CNTN6: variants seen among roughly 807,000 people sequenced by gnomAD.
CNTN6 encodes the protein contactin-6.
A neutral mutation model predicts 122.8 loss-of-function variants in CNTN6; 137 were observed. The ratio of observed to expected loss-of-function variants is 1.12; its 90% CI spans 0.97 to 1.29. The LOEUF (loss-of-function observed/expected upper bound fraction) is 1.29, where lower values mean the gene tolerates loss of function less well. Among genes scored for constraint, CNTN6 ranks in the 50% most tolerant of loss-of-function variants. The pLI is 0.00. For synonymous variants in CNTN6, 570 were observed against 426.0 expected, an observed-to-expected ratio of 1.34 and a Z score of -4.16; for missense variants, 1,634 against 1,223.4, an observed-to-expected ratio of 1.34 and a Z score of -5.01.
intron 11 of CNTN6, among the ~76,000 whole-genome samples, chr3:1,341,836 A>G (rs959433296): frequency 6.6e-6 from 1 of 152,180 alleles, no homozygotes; most frequent in Non-Finnish European, 1.5e-5. Flanking sequence ...AGTTGTAAAT[A>G]CAATTACAGA....
intron 2 of CNTN6, among the ~76,000 whole-genome samples, chr3:1,149,704 TAAGAA>T (rs1395293628): frequency 6.6e-6 from 1 of 152,104 alleles, no homozygotes; most frequent in Non-Finnish European, 1.5e-5. Flanking sequence ...GGTAATAGAT[TAAGAA>T]AAGACAGAGA....
At chr3:1,367,461 G>A (rs1360442626) in intron 12 of CNTN6, among the ~76,000 whole-genome samples, 1 of 151,860 alleles carries the variant, frequency 6.6e-6, no homozygotes, top group Non-Finnish European at 1.5e-5. Context: ...AAGTCCCCAT[G>A]TTTGAAATAT....
At chr3:1,343,886 G>T (rs1363469738) in intron 11 of CNTN6, among the ~76,000 whole-genome samples, 1 of 152,114 alleles carries the variant, frequency 6.6e-6, no homozygotes, top group African/African-American at 2.4e-5. Flanking sequence ...TGACTTTAGA[G>T]TCCATGGTCT....
In CNTN6 at chr3:1,369,388, T is replaced by G. The variant is rs1324282405; in HGVS notation, c.1493-2911T>G. On this transcript the variant is annotated intron_variant, in intron 12 of 22. Transcript: ENST00000446702. The stretch of plus-strand genomic sequence containing the variant: ...CTTTTTGACTTGCTGCGGGTTTTTT[T>G]TTTTTTTTTTCCTCATTTTCTTCCC... Among the ~76,000 whole-genome samples, 3 of 151,792 alleles carry G rather than the reference T, an allele frequency of 2.0e-5. No individual in the cohort carries two copies. In the East Asian group the frequency reaches 5.8e-4, roughly 29 times the overall value.
chr3:1,138,385 G>T (rs1488666957), intron 1 of CNTN6, among the ~76,000 whole-genome samples: 1 of 151,660 alleles, frequency 6.6e-6, no homozygotes, highest in South Asian at 2.1e-4. Context: ...TTGAAGGAAA[G>T]CCACTTTTAC....
chr3:1,280,459 A>ATTTTTTTT (rs71619483), intron 5 of CNTN6, among the ~76,000 whole-genome samples: 3,551 of 66,342 alleles, frequency 0.054, 759 homozygotes, highest in African/African-American at 0.14. Context: ...TGTAATACCA[A>ATTTTTTTT]TTTTTTTTTT....
intron 2 of CNTN6, among the ~76,000 whole-genome samples, chr3:1,163,226 C>G (rs1198631454): frequency 6.6e-6 from 1 of 152,114 alleles, no homozygotes; most frequent in Non-Finnish European, 1.5e-5. Context: ...TATGCTATTC[C>G]CTTGGGTAAT....
At chr3:1,259,870 T>C (rs1293546050) in intron 4 of CNTN6, among the ~76,000 whole-genome samples, 1 of 151,818 alleles carries the variant, frequency 6.6e-6, no homozygotes, top group African/African-American at 2.4e-5. Flanking sequence ...TACACACACA[T>C]ACATACAAAC....
intron 4 of CNTN6, among the ~76,000 whole-genome samples, chr3:1,271,253 T>G (rs989257290): frequency 1.3e-5 from 2 of 152,186 alleles, no homozygotes; most frequent in African/African-American, 4.8e-5. Flanking sequence ...ATCAATCAAT[T>G]TCTGGTGTGA....
chr3:1,300,527 T>C (rs905459198), intron 7 of CNTN6, among the ~76,000 whole-genome samples: 3 of 81,416 alleles, frequency 3.7e-5, no homozygotes, highest in Non-Finnish European at 8.4e-5. Flanking sequence ...GAAAGAAAGA[T>C]AAAGAAAGAG....
chr3:1,128,960 G>C (rs1255460336), intron 1 of CNTN6, among the ~76,000 whole-genome samples: 1 of 151,680 alleles, frequency 6.6e-6, no homozygotes, highest in African/African-American at 2.4e-5. Context: ...TTCAATATTG[G>C]AACAACTAGA....
intron 2 of CNTN6, among the ~76,000 whole-genome samples, chr3:1,216,031 C>T (rs994526981): frequency 6.6e-6 from 1 of 152,134 alleles, no homozygotes; most frequent in Non-Finnish European, 1.5e-5. Context: ...CAGTATACTT[C>T]ATTGGAAGAT....
intron 4 of CNTN6, among the ~76,000 whole-genome samples, chr3:1,251,083 AC>A (rs2094659431): frequency 6.6e-6 from 1 of 151,842 alleles, no homozygotes; most frequent in African/African-American, 2.4e-5. Flanking sequence ...TCTGCATAAT[AC>A]TCCTGTCGAA....
chr3:1,132,300 T>A (rs1479696026), intron 1 of CNTN6, among the ~76,000 whole-genome samples: 1 of 152,150 alleles, frequency 6.6e-6, no homozygotes, highest in Non-Finnish European at 1.5e-5. Context: ...TCATTTTACA[T>A]TTGGGAGGTC....
intron 4 of CNTN6, among the ~76,000 whole-genome samples, chr3:1,252,618 C>A (rs563567453): frequency 6.6e-6 from 1 of 152,068 alleles, no homozygotes; most frequent in South Asian, 2.1e-4. Flanking sequence ...TAATAAAATA[C>A]GGAGAACAAT....
intron 20 of CNTN6, among the ~76,000 whole-genome samples, chr3:1,391,299 A>G (rs1441114310): frequency 3.2e-3 from 383 of 119,268 alleles, no homozygotes; most frequent in East Asian, 4.6e-3. Flanking sequence ...GCCAAAGACA[A>G]AAACCACATA....
chr3:1,157,197 T>C (rs887591970), intron 2 of CNTN6, among the ~76,000 whole-genome samples: 1 of 135,412 alleles, frequency 7.4e-6, no homozygotes, highest in Non-Finnish European at 1.5e-5. Context: ...TACTCTTTTA[T>C]TTATTTATTT....
chr3:1,370,642 G>C (rs1038375152), intron 12 of CNTN6, among the ~76,000 whole-genome samples: 3 of 152,052 alleles, frequency 2.0e-5, no homozygotes, highest in Non-Finnish European at 2.9e-5. Flanking sequence ...TTGATGTCAG[G>C]AGTTTGAGAC....
intron 2 of CNTN6, among the ~76,000 whole-genome samples, chr3:1,196,634 G>A (rs999347274): frequency 1.3e-5 from 2 of 152,136 alleles, no homozygotes; most frequent in African/African-American, 4.8e-5. Flanking sequence ...ATAGGCCCTC[G>A]AAAGATATTC....
Sources: allele counts gnomAD v4.1 joint callset (sites outside exome capture counted in the v4.1 genomes callset), GRCh38; gene constraint gnomAD v4.1.1; transcripts MANE v1.5; gene names NCBI Gene and HGNC (gene_info 2026-07-23, HGNC 2026-07-21).